The following DOC2A variants were observed in gnomAD, a reference collection of about 807,000 sequenced individuals.
DOC2A encodes the protein double C2 domain alpha.
Under a neutral mutation model 40.6 loss-of-function variants are expected in DOC2A, and 28 were observed. The ratio of observed to expected loss-of-function variants is 0.69; its 90% CI spans 0.51 to 0.95. DOC2A has a LOEUF of 0.95. Ranked by LOEUF, DOC2A falls within the 40% of genes least tolerant of loss-of-function variation. The pLI, the probability that DOC2A is intolerant of heterozygous loss-of-function variation, is 0.00. For missense variants in DOC2A, 474 were observed against 552.5 expected (o/e 0.86, Z 1.42); for synonymous variants, 241 against 236.9 (o/e 1.02, Z -0.16).
Position 30,006,305 on chromosome 16 carries a change from G to A in DOC2A, c.1084C>T (p.Arg362Ter), listed in dbSNP as rs1418218701. 1.9e-6 allele frequency: 3 copies of A among 1,611,196 alleles called. No individual in the cohort carries two copies. The highest frequency in any genetic ancestry group is 1.7e-6 in the Non-Finnish European group (2 of 1,179,406). Residue 362 changes from arginine (R) to a stop codon, truncating the protein, a stop_gained, in exon 11 of 11, where the codon CGA (arginine) becomes TGA (stop). Transcript: ENST00000350119. LOFTEE classifies it high-confidence loss of function. This position sits in a 1 kb window ranked among gnomAD's most constrained non-coding sequence, Gnocchi z 6.2. ...IGGVSLGPGARGEARKHWSDC... is the reference protein window; with the variant it reads ...IGGVSLGPGA ...CTCCAGTGCTTCCGAGCCTCGCCTC[G>A]GGCACCTGGCCCCAGGGACACGCCA...
At position 30,006,948 on chromosome 16, in the gene DOC2A, A is replaced by C. The variant is rs529504458; in HGVS notation, c.715T>G (p.Leu239Val). 12 of 1,613,548 alleles carry C rather than the reference A, an allele frequency of 7.4e-6. No individual in the cohort carries two copies. In the South Asian group the frequency reaches 8.8e-5, roughly 12 times the overall value. Residue 239 changes from leucine (L) to valine (V), a missense_variant and splice_region_variant, in exon 8 of 11, where the codon TTG (leucine) becomes GTG (valine). Transcript: ENST00000350119. This position sits in a 1 kb window ranked among gnomAD's most constrained non-coding sequence, Gnocchi z 6.2. ...LRGISCYLKE[L>V]EQAEQGQGLL... is the part of the protein sequence containing the mutation. ...CCCTGCCCCTGCTCCGCCTGCTCCA[A>C]CTGCGGGGCACAGACTCAGGGTCAG...
chr16:30,009,360 CAGA>C lies in DOC2A; in HGVS notation c.343-87_343-85del, dbSNP rs1003812826. The C allele has an allele frequency of 1.2e-5, 18 of 1,503,060 alleles. No individual in the cohort carries two copies. Among genetic ancestry groups the C allele is most frequent in the East Asian group, 2.5e-5 (1 of 40,748 alleles). The allele number at this position is 1,503,060 out of a possible 1,614,324, so 93.1% of individuals were successfully genotyped here. On this transcript the variant is annotated intron_variant, in intron 3 of 10. Coordinates refer to ENST00000350119, the MANE Select transcript of DOC2A (RefSeq NM_003586.3). This position sits in a 1 kb window ranked among gnomAD's most constrained non-coding sequence, Gnocchi z 4.1. ...TGTAGAGCTGGACCCTGGAGGAGCC[CAGA>C]AGGAGGGGGCAAGGGCAGGACGAAG... is the stretch of plus-strand genomic sequence containing the variant.
chr16:30,019,709 G>A (rs2070891479), intron 1 of DOC2A, among the ~76,000 whole-genome samples: 1 of 152,168 alleles, frequency 6.6e-6, no homozygotes, highest in Non-Finnish European at 1.5e-5. Context: ...TGGGCCTGGG[G>A]CACGAGCCCT....
In DOC2A at chr16:30,009,522, C is replaced by T. The variant is rs933220946; in HGVS notation, c.298G>A (p.Asp100Asn). Residue 100 changes from aspartate to asparagine, a missense_variant, in exon 3 of 11, where the codon GAC (aspartate) becomes AAC (asparagine). By Grantham distance (23) the Asp-to-Asn change is conservative. Transcript: ENST00000350119. This position sits in a 1 kb window ranked among gnomAD's most constrained non-coding sequence, Gnocchi z 4.1. ...LGTLEFDLLY[D>N]RASCTLHCSI... ...CAGTGCAGAGTGCAGGAGGCCCGGT[C>T]GTAGAGAAGGTCAAACTCCAGCGTG... 11 of 1,551,396 alleles carry T rather than the reference C, an allele frequency of 7.1e-6. No homozygotes were observed. The Admixed American group carries it at 1.4e-4, about 19-fold the overall frequency.
upstream of DOC2A, among the ~76,000 whole-genome samples, chr16:30,016,503 G>GGCACTGCA (rs1259070968): frequency 6.6e-6 from 1 of 152,182 alleles, no homozygotes; most frequent in Non-Finnish European, 1.5e-5. Context: ...TGCAGTGAGG[G>GGCACTGCA]GAGGGGGACA....
chr16:30,016,192 G>A (rs1353554646), upstream of DOC2A, among the ~76,000 whole-genome samples: 1 of 150,058 alleles, frequency 6.7e-6, no homozygotes, highest in Non-Finnish European at 1.5e-5. Flanking sequence ...GGGATTACAG[G>A]TGCACACCAC....
chr16:30,007,550 C>T, intron 5 of DOC2A: 1 of 550,108 alleles, frequency 1.8e-6, no homozygotes, highest in South Asian at 2.0e-5. Flanking sequence ...GAGCACGCTG[C>T]TCACTGCCTC....
chr16:30,022,013 C>A (rs1596718188), upstream of DOC2A, among the ~76,000 whole-genome samples: 1 of 151,862 alleles, frequency 6.6e-6, no homozygotes, highest in East Asian at 1.9e-4. Flanking sequence ...CTTTGGGAGG[C>A]CGAGGCAGGC....
Position 30,009,638 on chromosome 16 carries a change from G to C in DOC2A, c.263-81C>G, listed in dbSNP as rs901127519. On this transcript the variant is annotated intron_variant, in intron 2 of 10. Coordinates refer to ENST00000350119, the MANE Select transcript of DOC2A (RefSeq NM_003586.3). The surrounding 1 kb of genome is among the most constrained non-coding windows in gnomAD (Gnocchi z 4.1). ...GCCAGCAGGTGGGCACTGGCTCTGT[G>C]TGTCTCTCTCTCTTGCCAGCCCGCG... 2.4e-6 allele frequency: 3 copies of C among 1,276,138 alleles called. No homozygotes were observed. The African/African-American group carries it at 4.4e-5, about 19-fold the overall frequency. The allele number at this position is 1,276,138 out of a possible 1,614,324, so 79.1% of individuals were successfully genotyped here. A position where few individuals can be genotyped will look rare whatever the true frequency, so the allele number is the denominator to read the frequency against.
rs1194537434 is a variant in DOC2A at position 30,009,586 on chromosome 16, C to T, written c.263-29G>A. On this transcript the variant is annotated intron_variant, in intron 2 of 10. Transcript: ENST00000350119. The surrounding 1 kb of genome is among the most constrained non-coding windows in gnomAD (Gnocchi z 4.1). ...GAGAGAGAGGAAAGGCAGCATGGGTCGGTATGGAGACAGGTGTGTGCGAGA... is the reference window on the plus strand; with the variant it reads ...GAGAGAGAGGAAAGGCAGCATGGGTTGGTATGGAGACAGGTGTGTGCGAGA... 3 of 1,542,766 alleles carry T rather than the reference C, an allele frequency of 1.9e-6. No individual in the cohort carries two copies. Among genetic ancestry groups the T allele is most frequent in the South Asian group, 1.2e-5 (1 of 83,876 alleles).
In DOC2A at chr16:30,006,460, TC is replaced by T; in HGVS notation, c.1009del (p.Glu337LysfsTer50). The T allele has an allele frequency of 3.1e-6, 5 of 1,613,402 alleles. No individual in the cohort carries two copies. The highest frequency in any genetic ancestry group is 4.2e-6 in the Non-Finnish European group (5 of 1,179,866). ...AATGTCATAGTCCCAGACGGTGACTTCCAGGGTCTTGGTGGCCAGAGTGGAG... is the reference window on the plus strand; with the variant it reads ...AATGTCATAGTCCCAGACGGTGACTTCAGGGTCTTGGTGGCCAGAGTGGAG... ...ELSTLATKTL[E>X]VTVWDYDIGK... On this transcript the variant is annotated frameshift_variant, in exon 10 of 11. Coordinates refer to ENST00000350119, the MANE Select transcript of DOC2A (RefSeq NM_003586.3). LOFTEE classifies it high-confidence loss of function. This position sits in a 1 kb window ranked among gnomAD's most constrained non-coding sequence, Gnocchi z 6.2.
At chr16:30,020,762 G>A (rs1339768734) in intron 1 of DOC2A, among the ~76,000 whole-genome samples, 2 of 152,148 alleles carry the variant, frequency 1.3e-5, no homozygotes, top group African/African-American at 2.4e-5. Context: ...CAGGAGAATC[G>A]CTTGAACCAA....
At position 30,006,414 on chromosome 16, in the gene DOC2A, AATG is replaced by A; in HGVS notation, c.1053_1055del (p.Ile352del). The A allele has an allele frequency of 6.2e-7, 1 of 1,613,074 alleles. No homozygotes were observed. The highest frequency in any genetic ancestry group is 8.5e-7 in the Non-Finnish European group (1 of 1,179,810). On this transcript the variant is annotated inframe_deletion and splice_region_variant, in exon 10 of 11. Transcript: ENST00000350119. The surrounding 1 kb of genome is among the most constrained non-coding windows in gnomAD (Gnocchi z 6.2). Reference sequence around the variant, plus strand: ...ACCCGCAGCCAGCTCCTCCCTCACCAATGAAGTCATTGGATTTGCCAATGTCAT... The same window carrying A: ...ACCCGCAGCCAGCTCCTCCCTCACCAAAGTCATTGGATTTGCCAATGTCAT...
At chr16:30,012,639 G>A (rs149210030), upstream of DOC2A, 1 of 146,230 alleles carries the variant, frequency 6.8e-6, no homozygotes, top group Admixed American at 6.9e-5. Flanking sequence ...AGGATCGCTT[G>A]AGTGAAGCCA....
Position 30,017,962 on chromosome 16 carries a change from G to GA in DOC2A, c.-376+3220dup, listed in dbSNP as rs113271952. Among the ~76,000 whole-genome samples the GA allele has an allele frequency of 8.6e-3, 795 of 92,626 alleles. 5 individuals carry two copies. The highest frequency in any genetic ancestry group is 0.02 in the East Asian group (52 of 2,638). The allele number at this position is 92,626 out of a possible 152,430, so 60.8% of individuals were successfully genotyped here. ...GCAACAGAGTGGGACTCTGTCTCCG[G>GA]AAAAAAAAAAAAAAAAGAAAGAAAA... On this transcript the variant is annotated intron_variant, in intron 1 of 5. Transcript: ENST00000574405.
In DOC2A at chr16:30,009,451, C is replaced by A. The variant is rs746459111; in HGVS notation, c.342+27G>T. On this transcript the variant is annotated intron_variant, in intron 3 of 10. Transcript: ENST00000350119. The surrounding 1 kb of genome is among the most constrained non-coding windows in gnomAD (Gnocchi z 4.1). The stretch of plus-strand genomic sequence containing the variant: ...CTGGGGGCTGCACGCAAACCGGGCC[C>A]GGGCTTGGGTGGCAGGGAGTGCCCA... 6.5e-7 allele frequency: 1 copy of A among 1,550,110 alleles called. No individual in the cohort carries two copies. The highest frequency in any genetic ancestry group is 8.7e-7 in the Non-Finnish European group (1 of 1,146,140).
chr16:30,020,757 G>A (rs1204411454), intron 1 of DOC2A, among the ~76,000 whole-genome samples: 1 of 152,100 alleles, frequency 6.6e-6, no homozygotes, highest in African/African-American at 2.4e-5. Flanking sequence ...TGAGGCAGGA[G>A]AATCGCTTGA....
intron 5 of DOC2A, chr16:30,008,165 C>T (rs528055951): frequency 4.6e-5 from 7 of 153,032 alleles, no homozygotes; most frequent in African/African-American, 1.4e-4. Context: ...CTGCCCGCCA[C>T]CTGACTTGAG....
rs750098305 is a variant in DOC2A at position 30,010,459 on chromosome 16, C to A, written c.-13-224G>T. The A allele has an allele frequency of 1.7e-4, 106 of 623,884 alleles. No homozygotes were observed. Among genetic ancestry groups the A allele is most frequent in the Non-Finnish European group, 2.8e-4 (97 of 349,982 alleles). The allele number at this position is 623,884 out of a possible 1,614,324, so 38.6% of individuals were successfully genotyped here. On this transcript the variant is annotated intron_variant, in intron 1 of 10. Transcript: ENST00000350119. This position sits in a 1 kb window ranked among gnomAD's most constrained non-coding sequence, Gnocchi z 4.2. The stretch of plus-strand genomic sequence containing the variant: ...CTGCCAACCCACTCCTTGCAGAAGT[C>A]GAGGTTGCACCACCCCGTCCTCACC...
Sources: allele counts gnomAD v4.1 joint callset (sites outside exome capture counted in the v4.1 genomes callset), GRCh38; gene constraint gnomAD v4.1.1; non-coding constraint Gnocchi (gnomAD v3.1); transcripts MANE v1.5; gene names NCBI Gene and HGNC (gene_info 2026-07-23, HGNC 2026-07-21).